Variants in MACROD1 observed in about 807,000 individuals in gnomAD.
MACROD1 encodes ADP-ribose glycohydrolase MACROD1.
MACROD1 carries 31 observed loss-of-function variants against 41.4 expected under a neutral mutation model. That is an observed-to-expected ratio of 0.75 (90% CI 0.56 to 1.01). MACROD1 has a LOEUF of 1.01. Ranked by LOEUF, MACROD1 falls within the 50% of genes least tolerant of loss-of-function variation. The pLI is 0.00. For synonymous variants in MACROD1, 252 were observed against 203.4 expected, an observed-to-expected ratio of 1.24 and a Z score of -2.03; for missense variants, 473 against 460.0, an observed-to-expected ratio of 1.03 and a Z score of -0.26.
chr11:64,066,124 C>G (rs1221355254), intron 3 of MACROD1, among the ~76,000 whole-genome samples: 1 of 151,814 alleles, frequency 6.6e-6, no homozygotes, highest in Non-Finnish European at 1.5e-5. Flanking sequence ...TGGTGAAACC[C>G]TGTCTCTACT....
At chr11:64,007,200 G>C (rs534437620) in intron 4 of MACROD1, among the ~76,000 whole-genome samples, 2 of 152,350 alleles carry the variant, frequency 1.3e-5, no homozygotes, top group African/African-American at 4.8e-5. Flanking sequence ...AGGGCTCGGG[G>C]GCGACGTGCC....
At chr11:64,130,356 C>T (rs1256851827) in intron 3 of MACROD1, among the ~76,000 whole-genome samples, 1 of 152,182 alleles carries the variant, frequency 6.6e-6, no homozygotes, top group African/African-American at 2.4e-5. Context: ...GTGATACCTA[C>T]CCCTCCATGG....
intron 1 of MACROD1, among the ~76,000 whole-genome samples, chr11:64,152,706 G>A (rs971881212): frequency 9.2e-5 from 14 of 152,146 alleles, no homozygotes; most frequent in African/African-American, 2.7e-4. Context: ...TGGGTCCCCC[G>A]TTTCTCCCTG....
In MACROD1 at chr11:64,151,251, T is replaced by C. The variant is rs773323822; in HGVS notation, c.505A>G (p.Ile169Val). ...SDITKLEVDAIVNAANSSLLG... is the reference protein window; with the variant it reads ...SDITKLEVDAVVNAANSSLLG... The stretch of plus-strand genomic sequence containing the variant: ...GCCAGCCACTCACCGGCGTTGACGA[T>C]GGCGTCCACCTCCAGCTTGGTGATG... The change falls in exon 3 of 11, where the codon ATC (isoleucine) becomes GTC (valine). Residue 169 changes from isoleucine to valine, a missense_variant. Physicochemically the swap from Ile to Val is conservative, Grantham distance 29. Transcript: ENST00000255681. The C allele has an allele frequency of 5.6e-6, 9 of 1,613,460 alleles. No individual in the cohort carries two copies. The highest frequency in any genetic ancestry group is 4.4e-5 in the South Asian group (4 of 91,084).
At chr11:64,029,918 G>T (rs1033273607) in intron 3 of MACROD1, among the ~76,000 whole-genome samples, 4 of 152,170 alleles carry the variant, frequency 2.6e-5, no homozygotes, top group Non-Finnish European at 5.9e-5. Flanking sequence ...AGGGATGGGG[G>T]CAGGGGAGGT....
intron 3 of MACROD1, among the ~76,000 whole-genome samples, chr11:64,115,933 A>G (rs2134614144): frequency 6.6e-6 from 1 of 152,336 alleles, no homozygotes; most frequent in Admixed American, 6.5e-5. Flanking sequence ...TCCGGATCAC[A>G]TTCCAGGAGG....
intron 4 of MACROD1, among the ~76,000 whole-genome samples, chr11:64,007,376 C>T (rs545088170): frequency 6.6e-6 from 1 of 152,254 alleles, no homozygotes; most frequent in Admixed American, 6.5e-5. Flanking sequence ...TGAGGTGGCC[C>T]CTCCGAGGAG....
At chr11:64,115,510 A>G (rs975663970) in intron 3 of MACROD1, among the ~76,000 whole-genome samples, 22 of 152,178 alleles carry the variant, frequency 1.4e-4, no homozygotes, top group Non-Finnish European at 2.9e-5. Context: ...CTGTAAATAC[A>G]TGAGAAAGTG....
At chr11:64,057,264 G>T (rs1483855785) in intron 3 of MACROD1, among the ~76,000 whole-genome samples, 1 of 152,244 alleles carries the variant, frequency 6.6e-6, no homozygotes, top group Non-Finnish European at 1.5e-5. Flanking sequence ...GCCCATTGGT[G>T]GTTCCTCCCT....
intron 1 of MACROD1, among the ~76,000 whole-genome samples, chr11:64,155,816 A>G (rs1945658735): frequency 6.6e-6 from 1 of 151,920 alleles, no homozygotes; most frequent in South Asian, 2.1e-4. Context: ...AATACAAAAA[A>G]TCAGCTGAGC....
rs112224874 is a variant in MACROD1 at position 64,141,469 on chromosome 11, G to C, written c.517+9770C>G. On this transcript the variant is annotated intron_variant, in intron 3 of 10. Transcript: ENST00000255681. ...TCCTAGGCACACAGAGTACCCATCC[G>C]TTAAACGGGCAGGCAAGCCACGGCC... Among the ~76,000 whole-genome samples the C allele has an allele frequency of 8.9e-3, 1,351 of 152,342 alleles. 9 individuals are homozygous for C. Among genetic ancestry groups the C allele is most frequent in the Middle Eastern group, 0.014 (4 of 294 alleles).
chr11:64,003,635 G>A (rs1942862734), intron 4 of MACROD1, among the ~76,000 whole-genome samples: 1 of 152,164 alleles, frequency 6.6e-6, no homozygotes, highest in Non-Finnish European at 1.5e-5. Flanking sequence ...ATTTACAGCC[G>A]CTGTCTTATT....
chr11:64,049,146 GC>G (rs1943642762), intron 3 of MACROD1, among the ~76,000 whole-genome samples: 1 of 152,194 alleles, frequency 6.6e-6, no homozygotes, highest in African/African-American at 2.4e-5. Flanking sequence ...AAGTGACAGA[GC>G]CCCTGAGAGG....
intron 3 of MACROD1, among the ~76,000 whole-genome samples, chr11:64,087,597 C>A (rs1944417116): frequency 6.6e-6 from 1 of 152,220 alleles, no homozygotes. Flanking sequence ...TCACTCGCTG[C>A]AGCCTGCAAG....
In MACROD1 at chr11:64,064,488, G is replaced by A. The variant is rs1247518063; in HGVS notation, c.518-49207C>T. Among the ~76,000 whole-genome samples the A allele has an allele frequency of 6.6e-6, 1 of 152,136 alleles. No homozygotes were observed. Among genetic ancestry groups the A allele is most frequent in the East Asian group, 1.9e-4 (1 of 5,196 alleles). The stretch of plus-strand genomic sequence containing the variant: ...CCAAAGAACCGGAGGCCTCAGGCCT[G>A]CCCCGGATGGGCACGCAGGCAGGGT... On this transcript the variant is annotated intron_variant, in intron 3 of 10. Transcript: ENST00000255681. The surrounding 1 kb of genome is among the most constrained non-coding windows in gnomAD (Gnocchi z 4.5).
At chr11:64,050,839 G>C (rs543383073) in intron 3 of MACROD1, among the ~76,000 whole-genome samples, 1 of 152,312 alleles carries the variant, frequency 6.6e-6, no homozygotes, top group East Asian at 1.9e-4. Flanking sequence ...GGCTGGTCTC[G>C]AACTCCTGAC....
intron 3 of MACROD1, among the ~76,000 whole-genome samples, chr11:64,100,511 C>T (rs916859012): frequency 1.3e-5 from 2 of 152,216 alleles, no homozygotes; most frequent in Non-Finnish European, 2.9e-5. Flanking sequence ...TAACTTCACA[C>T]GGCATGGTCT....
chr11:64,020,660 C>T (rs1011155351), intron 3 of MACROD1, among the ~76,000 whole-genome samples: 6 of 152,224 alleles, frequency 3.9e-5, no homozygotes, highest in Admixed American at 3.3e-4. Flanking sequence ...TCCTGGCCCC[C>T]GGTGATGCTC....
At chr11:64,144,301 T>C (rs566683433) in intron 3 of MACROD1, among the ~76,000 whole-genome samples, 17 of 152,306 alleles carry the variant, frequency 1.1e-4, no homozygotes, top group Admixed American at 8.5e-4. Flanking sequence ...CTGCCTCTCA[T>C]GCACCATGGT....
Sources: allele counts gnomAD v4.1 joint callset (sites outside exome capture counted in the v4.1 genomes callset), GRCh38; gene constraint gnomAD v4.1.1; non-coding constraint Gnocchi (gnomAD v3.1); transcripts MANE v1.5; gene names NCBI Gene and HGNC (gene_info 2026-07-23, HGNC 2026-07-21).